GNA12: variants seen among roughly 807,000 people sequenced by gnomAD.
The protein encoded by GNA12 is guanine nucleotide-binding protein subunit alpha-12.
A neutral mutation model predicts 26.0 loss-of-function variants in GNA12; 9 were observed. The observed-to-expected ratio is 0.35, with a 90% CI of 0.21 to 0.60. The LOEUF (loss-of-function observed/expected upper bound fraction) is 0.60. Ranked by LOEUF, GNA12 falls within the 20% of genes least tolerant of loss-of-function variation. The probability of loss-of-function intolerance (pLI) is 0.78; values close to 1 mark genes in which losing one functional copy is unlikely to be tolerated. For missense variants in GNA12, 405 were observed against 525.8 expected (o/e 0.77, Z 2.25); for synonymous variants, 264 against 219.6 (o/e 1.20, Z -1.79).
intron 1 of GNA12, among the ~76,000 whole-genome samples, chr7:2,826,367 A>T (rs1793485354): frequency 7.9e-6 from 1 of 125,826 alleles, no homozygotes; most frequent in African/African-American, 3.0e-5. Context: ...ACAGAGTGAG[A>T]CTCCATCTCA....
At chr7:2,791,010 T>C (rs778155705) in intron 2 of GNA12, among the ~76,000 whole-genome samples, 13 of 151,798 alleles carry the variant, frequency 8.6e-5, no homozygotes, top group Non-Finnish European at 1.5e-4. Context: ...ATAAATGGTA[T>C]ACTCAAAAGT....
intron 1 of GNA12, among the ~76,000 whole-genome samples, chr7:2,800,456 A>C (rs1176301530): frequency 6.6e-6 from 1 of 152,248 alleles, no homozygotes; most frequent in Non-Finnish European, 1.5e-5. Flanking sequence ...AGTGTCCCAA[A>C]GCCCGTCTCC....
chr7:2,795,191 T>A, intron 1 of GNA12, 48 bp from the exon 2 acceptor site: 1 of 1,398,016 alleles, frequency 7.2e-7, no homozygotes, highest in Non-Finnish European at 1.0e-6. Context: ...TTCCAAAGAC[T>A]AAACCACGCT....
intron 2 of GNA12, among the ~76,000 whole-genome samples, chr7:2,773,351 T>C (rs1430015377): frequency 2.0e-5 from 3 of 152,204 alleles, no homozygotes; most frequent in Non-Finnish European, 2.9e-5. Context: ...TCACCTGAGG[T>C]TGGGAGTTTG....
At chr7:2,806,469 A>G (rs992219497) in intron 1 of GNA12, among the ~76,000 whole-genome samples, 2 of 151,218 alleles carry the variant, frequency 1.3e-5, no homozygotes, top group African/African-American at 2.4e-5. Context: ...AAAAAAAAAA[A>G]AAAAAAAAAG....
At chr7:2,812,503 C>G (rs193005049) in intron 1 of GNA12, among the ~76,000 whole-genome samples, 1 of 152,316 alleles carries the variant, frequency 6.6e-6, no homozygotes, top group Admixed American at 6.5e-5. Flanking sequence ...GTGGCGCATG[C>G]CTGTAGTCCT....
Position 2,763,024 on chromosome 7 carries a change from G to A in GNA12, c.526-29523C>T, listed in dbSNP as rs145990725. ...GTCGCCAACAGCCCCGCCGGCCACT[G>A]GCCCAGGACTCAGCGTGCCGTTCCT... On this transcript the variant is annotated intron_variant, in intron 2 of 3. Coordinates refer to ENST00000275364, the MANE Select transcript of GNA12 (RefSeq NM_007353.3). The A allele has an allele frequency of 2.9e-4, 362 of 1,262,300 alleles. 2 individuals carry two copies. In the East Asian group the frequency reaches 6.9e-3, roughly 24 times the overall value. 78.2% of individuals were successfully genotyped at this position (1,262,300 alleles called of 1,614,324 possible).
intron 1 of GNA12, among the ~76,000 whole-genome samples, chr7:2,825,199 G>C (rs1793456192): frequency 6.6e-6 from 1 of 152,232 alleles, no homozygotes; most frequent in Non-Finnish European, 1.5e-5. Flanking sequence ...GGAAGCCCGA[G>C]AAACAAGACA....
At chr7:2,836,478 C>A (rs895550759) in intron 1 of GNA12, among the ~76,000 whole-genome samples, 1 of 152,198 alleles carries the variant, frequency 6.6e-6, no homozygotes, top group Non-Finnish European at 1.5e-5. Flanking sequence ...CTCCTACTTA[C>A]CCAGGATGGG....
At chr7:2,776,105 A>T (rs1792069140) in intron 2 of GNA12, among the ~76,000 whole-genome samples, 1 of 152,154 alleles carries the variant, frequency 6.6e-6, no homozygotes, top group Non-Finnish European at 1.5e-5. Context: ...TAGACCGCTC[A>T]TTGCAGCCTC....
At position 2,758,736 on chromosome 7, in the gene GNA12, G is replaced by A. The variant is rs140610667; in HGVS notation, c.526-25235C>T. On this transcript the variant is annotated intron_variant, in intron 2 of 3. Transcript: ENST00000275364. ...CCTAACAGCAGAGTCACAGCCCTAG[G>A]CTGGAAGCCACCAGTGCCCACCTCT... 8.5e-4 allele frequency among the ~76,000 whole-genome samples: 130 copies of A among 152,318 alleles called. 1 individual carries two copies. Among genetic ancestry groups the A allele is most frequent in the African/African-American group, 2.9e-3 (122 of 41,566 alleles).
At chr7:2,766,410 G>A (rs995626534) in intron 2 of GNA12, among the ~76,000 whole-genome samples, 3 of 146,230 alleles carry the variant, frequency 2.1e-5, no homozygotes, top group Admixed American at 6.9e-5. Context: ...TTTTTGAGAC[G>A]GAGTCTTGCT....
At chr7:2,746,375 C>T (rs1436961265) in intron 2 of GNA12, among the ~76,000 whole-genome samples, 4 of 151,890 alleles carry the variant, frequency 2.6e-5, no homozygotes, top group Non-Finnish European at 5.9e-5. Flanking sequence ...AAATCAAAAC[C>T]GCTCAACTAC....
In GNA12 at chr7:2,762,827, A is replaced by G. The variant is rs1239863488; in HGVS notation, c.526-29326T>C. The G allele has an allele frequency of 5.3e-6, 8 of 1,514,292 alleles. No homozygotes were observed. The South Asian group carries it at 1.0e-4, about 19-fold the overall frequency. 93.8% of individuals were successfully genotyped at this position (1,514,292 alleles called of 1,614,324 possible). A position where few individuals can be genotyped will look rare whatever the true frequency, so the allele number is the denominator to read the frequency against. On this transcript the variant is annotated intron_variant, in intron 2 of 3. Transcript: ENST00000275364. ...CAGGGCGGCCTCCCATCCGCCACACACCCAGTCAGCGCGGCTCCGAAGCAG... is the reference window on the plus strand; with the variant it reads ...CAGGGCGGCCTCCCATCCGCCACACGCCCAGTCAGCGCGGCTCCGAAGCAG...
intron 2 of GNA12, among the ~76,000 whole-genome samples, chr7:2,751,476 T>G (rs139459823): frequency 6.7e-6 from 1 of 149,878 alleles, no homozygotes; most frequent in Non-Finnish European, 1.5e-5. Context: ...TCAAAGAGCT[T>G]AATGAAGAGC....
intron 2 of GNA12, among the ~76,000 whole-genome samples, chr7:2,749,964 A>G (rs761267332): frequency 2.6e-5 from 4 of 152,236 alleles, no homozygotes; most frequent in African/African-American, 4.8e-5. Flanking sequence ...AAGAGAACAA[A>G]GAGAGTGGGG....
chr7:2,830,070 CCTTTT>C (rs1322697878), intron 1 of GNA12, among the ~76,000 whole-genome samples: 2 of 152,208 alleles, frequency 1.3e-5, no homozygotes, highest in African/African-American at 2.4e-5. Flanking sequence ...AGGACCCTTT[CCTTTT>C]GAGTGTTCTC....
At chr7:2,740,589 A>T (rs533311317) in intron 2 of GNA12, among the ~76,000 whole-genome samples, 2 of 152,210 alleles carry the variant, frequency 1.3e-5, no homozygotes, top group Admixed American at 6.5e-5. Context: ...GCCGACAAAT[A>T]TAATTATGAA....
chr7:2,811,302 A>G (rs1016881632), intron 1 of GNA12, among the ~76,000 whole-genome samples: 3 of 152,182 alleles, frequency 2.0e-5, no homozygotes, highest in Admixed American at 6.5e-5. Context: ...CGATGCCCAG[A>G]GCACAGCGAC....
Sources: allele counts gnomAD v4.1 joint callset (sites outside exome capture counted in the v4.1 genomes callset), GRCh38; gene constraint gnomAD v4.1.1; transcripts MANE v1.5; gene names NCBI Gene and HGNC (gene_info 2026-07-23, HGNC 2026-07-21).